Variants in IGSF10 observed in about 807,000 individuals in gnomAD.
IGSF10 encodes calvaria mechanical force protein 608.
IGSF10 carries 126 observed loss-of-function variants against 128.2 expected under a neutral mutation model. The observed-to-expected ratio is 0.98, with a 90% CI of 0.85 to 1.14. The LOEUF is 1.14. Among genes scored for constraint, IGSF10 ranks in the 50% most tolerant of loss-of-function variants. The probability of loss-of-function intolerance (pLI) is 0.00; values close to 1 mark genes in which losing one functional copy is unlikely to be tolerated. For missense variants in IGSF10, 3,295 were observed against 3,149.8 expected, an observed-to-expected ratio of 1.05 and a Z score of -1.10; for synonymous variants, 1,185 against 1,146.2, an observed-to-expected ratio of 1.03 and a Z score of -0.68.
At chr3:151,619,430 A>ATGTGTGTGTGTGTGTG in the IGSF10 span, among the ~76,000 whole-genome samples, 5 of 144,236 alleles carry the variant, frequency 3.5e-5, no homozygotes, top group Admixed American at 1.4e-4. Context: ...ATTACTTTTA[A>ATGTGTGTGTGTGTGTG]TGTGTGTGTG....
chr3:151,466,180 C>G, the IGSF10 span, among the ~76,000 whole-genome samples: 8 of 152,008 alleles, frequency 5.3e-5, no homozygotes, highest in Non-Finnish European at 1.2e-4. Context: ...TTTAACAGAT[C>G]TGGCATCAGA....
chr3:151,525,321 T>C, the IGSF10 span, among the ~76,000 whole-genome samples: 111 of 152,298 alleles, frequency 7.3e-4, 3 homozygotes, highest in Non-Finnish European at 3.4e-4. Flanking sequence ...ACATTTTAAT[T>C]CCAGTTTAGT....
the IGSF10 span, among the ~76,000 whole-genome samples, chr3:151,563,066 G>T: frequency 1.3e-5 from 2 of 152,064 alleles, no homozygotes; most frequent in East Asian, 1.9e-4. Flanking sequence ...GAATCTCTGG[G>T]TTGGCCACTC....
chr3:151,588,369 C>A, the IGSF10 span, among the ~76,000 whole-genome samples: 1 of 151,984 alleles, frequency 6.6e-6, no homozygotes, highest in Non-Finnish European at 1.5e-5. Context: ...TCTCCTATGT[C>A]CAGCAGCCCC....
At chr3:151,474,597 T>C in the IGSF10 span, among the ~76,000 whole-genome samples, 1 of 152,346 alleles carries the variant, frequency 6.6e-6, no homozygotes, top group South Asian at 2.1e-4. Flanking sequence ...AATTAGACCC[T>C]AATATTGTTG....
the IGSF10 span, among the ~76,000 whole-genome samples, chr3:151,508,945 C>G: frequency 6.6e-6 from 1 of 152,156 alleles, no homozygotes; most frequent in Admixed American, 6.5e-5. Context: ...CCATAGACCA[C>G]AGAAATATGC....
the IGSF10 span, among the ~76,000 whole-genome samples, chr3:151,537,735 TCTC>T: frequency 6.6e-6 from 1 of 152,212 alleles, no homozygotes; most frequent in African/African-American, 2.4e-5. Context: ...AAAATAATAA[TCTC>T]TTCTAGGATT....
chr3:151,512,731 A>T, the IGSF10 span, among the ~76,000 whole-genome samples: 1 of 152,318 alleles, frequency 6.6e-6, no homozygotes, highest in South Asian at 2.1e-4. Context: ...ACTAATAAAG[A>T]AAAAAAGAGA....
At position 151,443,128 on chromosome 3, in the gene IGSF10, C is replaced by G; in HGVS notation, c.5819G>C (p.Ser1940Thr). ...VMLTMEERVT[S>T]PRIEAASQKR... Reference sequence around the variant, plus strand: ...CTGGGATGCAGCTTCTATCCTGGGGCTGGTCACTCGCTCTTCCATTGTAAG... The same window carrying G: ...CTGGGATGCAGCTTCTATCCTGGGGGTGGTCACTCGCTCTTCCATTGTAAG... Residue 1940 changes from serine (S) to threonine (T), a missense_variant, in exon 7 of 8, where the codon AGC (serine) becomes ACC (threonine). Ser to Thr is a moderately conservative substitution (Grantham distance 58). Coordinates refer to ENST00000282466, the MANE Select transcript of IGSF10 (RefSeq NM_178822.5). 6.2e-7 allele frequency: 1 copy of G among 1,614,258 alleles called. No homozygotes were observed. The highest frequency in any genetic ancestry group is 8.5e-7 in the Non-Finnish European group (1 of 1,180,056).
At chr3:151,520,741 AGAAAT>A in the IGSF10 span, among the ~76,000 whole-genome samples, 1 of 151,872 alleles carries the variant, frequency 6.6e-6, no homozygotes, top group Non-Finnish European at 1.5e-5. Context: ...CACTAAATAT[AGAAAT>A]GAAAGTCTAA....
At chr3:151,514,203 G>A in the IGSF10 span, among the ~76,000 whole-genome samples, 1 of 152,030 alleles carries the variant, frequency 6.6e-6, no homozygotes, top group African/African-American at 2.4e-5. Context: ...GAGGCATCAA[G>A]CTACCTGACT....
Position 151,448,880 on chromosome 3 carries a change from A to C in IGSF10, c.1101T>G (p.Asp367Glu), listed in dbSNP as rs146739210. Residue 367 changes from aspartate to glutamate, a missense_variant, in exon 6 of 8, where the codon GAT becomes GAG. Coordinates refer to ENST00000282466, the MANE Select transcript of IGSF10 (RefSeq NM_178822.5). ...SFSTFLVCNIDYGHIQPVWQI... is the reference protein window; with the variant it reads ...SFSTFLVCNIEYGHIQPVWQI... Reference sequence around the variant, plus strand: ...GCCACACTGGCTGAATGTGACCGTAATCTATGTTGCACACCAAAAATGTTG... The same window carrying C: ...GCCACACTGGCTGAATGTGACCGTACTCTATGTTGCACACCAAAAATGTTG... The C allele has an allele frequency of 1.2e-6, 2 of 1,614,226 alleles. No homozygotes were observed. Among genetic ancestry groups the C allele is most frequent in the Non-Finnish European group, 1.7e-6 (2 of 1,180,036 alleles).
the IGSF10 span, among the ~76,000 whole-genome samples, chr3:151,563,465 G>A: frequency 1.3e-5 from 2 of 152,214 alleles, no homozygotes; most frequent in African/African-American, 4.8e-5. Context: ...TTTTCCATGA[G>A]CTTCACTGCC....
chr3:151,509,929 G>C, the IGSF10 span, among the ~76,000 whole-genome samples: 1 of 152,210 alleles, frequency 6.6e-6, no homozygotes, highest in Non-Finnish European at 1.5e-5. Context: ...GGCTGGGGGA[G>C]GGGCACCCAC....
chr3:151,496,929 G>A, the IGSF10 span, among the ~76,000 whole-genome samples: 6 of 152,148 alleles, frequency 3.9e-5, no homozygotes, highest in East Asian at 1.2e-3. Flanking sequence ...CTGATGGCCA[G>A]TGATGATGAG....
At chr3:151,544,386 T>A in the IGSF10 span, among the ~76,000 whole-genome samples, 1 of 152,234 alleles carries the variant, frequency 6.6e-6, no homozygotes, top group Non-Finnish European at 1.5e-5. Flanking sequence ...TAGGATTTCC[T>A]GTTTTCTCTA....
chr3:151,596,499 T>C, the IGSF10 span, among the ~76,000 whole-genome samples: 1 of 151,142 alleles, frequency 6.6e-6, no homozygotes, highest in Non-Finnish European at 1.5e-5. Context: ...TGTGTGTGTA[T>C]TGTGTATGTG....
chr3:151,572,737 T>C, the IGSF10 span, among the ~76,000 whole-genome samples: 3 of 152,206 alleles, frequency 2.0e-5, no homozygotes, highest in Non-Finnish European at 2.9e-5. Flanking sequence ...TGCTCTCATC[T>C]TAGTTATTTC....
At chr3:151,581,156 T>C in the IGSF10 span, among the ~76,000 whole-genome samples, 1 of 152,306 alleles carries the variant, frequency 6.6e-6, no homozygotes, top group East Asian at 1.9e-4. Flanking sequence ...TGTTAGACTG[T>C]GGGTGAAAGT....
Sources: gnomAD v4.1 joint callset for allele counts (sites outside exome capture counted in the v4.1 genomes callset) on GRCh38, gnomAD v4.1.1 for gene constraint, MANE v1.5 for transcripts, NCBI Gene and HGNC (gene_info 2026-07-23, HGNC 2026-07-21) for gene names.